The following LYPD6B variants were observed in gnomAD, a reference collection of about 807,000 sequenced individuals.
LYPD6B encodes the protein LY6/PLAUR domain containing 6B, also known as ly6/PLAUR domain-containing protein 6B.
Under a neutral mutation model 22.8 loss-of-function variants are expected in LYPD6B, and 17 were observed. The observed-to-expected ratio is 0.75, with a 90% CI of 0.51 to 1.12. The LOEUF (loss-of-function observed/expected upper bound fraction) is 1.12. LYPD6B is among the 50% of genes most tolerant of loss of function. LYPD6B has a pLI of 0.00. For synonymous variants in LYPD6B, 106 were observed against 91.6 expected (o/e 1.16, Z -0.90); for missense variants, 221 against 258.3 (o/e 0.86, Z 0.99).
In LYPD6B at chr2:149,103,527, T is replaced by C. The variant is rs530651290; in HGVS notation, c.-66-27356T>C. On this transcript the variant is annotated intron_variant, in intron 1 of 6. Transcript: ENST00000409642. Reference sequence around the variant, plus strand: ...CAATAAACTGTACATATTTAAAGTGTACAGTTTGCTAAGTTTGGACATATG... The same window carrying C: ...CAATAAACTGTACATATTTAAAGTGCACAGTTTGCTAAGTTTGGACATATG... Among the ~76,000 whole-genome samples the C allele has an allele frequency of 4.6e-5, 7 of 152,252 alleles. No homozygotes were observed. The East Asian group carries it at 1.4e-3, about 29-fold the overall frequency.
intron 3 of LYPD6B, among the ~76,000 whole-genome samples, chr2:149,188,094 T>C (rs1468852233): frequency 6.6e-6 from 1 of 152,248 alleles, no homozygotes; most frequent in Admixed American, 6.5e-5. Context: ...TGTAAAATTG[T>C]CTTTTCCTGG....
At chr2:149,119,204 A>G (rs1321642307) in intron 1 of LYPD6B, 1 of 152,254 alleles carries the variant, frequency 6.6e-6, no homozygotes, top group Non-Finnish European at 1.5e-5. Flanking sequence ...GAAAATTATT[A>G]TCACTTGGCT....
At chr2:149,096,167 G>C (rs1685895612) in intron 1 of LYPD6B, among the ~76,000 whole-genome samples, 1 of 151,884 alleles carries the variant, frequency 6.6e-6, no homozygotes, top group Non-Finnish European at 1.5e-5. Context: ...GACAAAGATA[G>C]ATAAAGAGAT....
At chr2:149,146,186 G>A (rs966281219) in intron 2 of LYPD6B, among the ~76,000 whole-genome samples, 14 of 152,218 alleles carry the variant, frequency 9.2e-5, no homozygotes, top group Non-Finnish European at 1.8e-4. Context: ...ATACAAGCAC[G>A]TGCAAAATTG....
At chr2:149,059,395 T>C (rs1242968966) in intron 1 of LYPD6B, among the ~76,000 whole-genome samples, 1 of 152,248 alleles carries the variant, frequency 6.6e-6, no homozygotes, top group Non-Finnish European at 1.5e-5. Flanking sequence ...CAAGCCAATA[T>C]AGTGCCTTTT....
At chr2:149,179,381 T>C (rs1446754283) in intron 3 of LYPD6B, among the ~76,000 whole-genome samples, 1 of 152,262 alleles carries the variant, frequency 6.6e-6, no homozygotes, top group Non-Finnish European at 1.5e-5. Flanking sequence ...TGATAAAATC[T>C]GTAGCCTTTA....
At chr2:149,173,601 C>A (rs1691022971) in intron 3 of LYPD6B, among the ~76,000 whole-genome samples, 1 of 152,096 alleles carries the variant, frequency 6.6e-6, no homozygotes, top group Non-Finnish European at 1.5e-5. Context: ...GCTATCATTT[C>A]CCTAAGGATA....
intron 1 of LYPD6B, among the ~76,000 whole-genome samples, chr2:149,124,316 A>G (rs1406638291): frequency 6.6e-6 from 1 of 152,214 alleles, no homozygotes; most frequent in African/African-American, 2.4e-5. Context: ...TCCACTGGGC[A>G]GAGAACATTA....
chr2:149,159,852 C>T (rs1689939821), intron 2 of LYPD6B, among the ~76,000 whole-genome samples: 1 of 152,114 alleles, frequency 6.6e-6, no homozygotes, highest in South Asian at 2.1e-4. Context: ...ATAAGGCTCA[C>T]TCACATTATG....
At chr2:149,183,861 G>GTA (rs1299197251) in intron 3 of LYPD6B, among the ~76,000 whole-genome samples, 19 of 141,024 alleles carry the variant, frequency 1.3e-4, no homozygotes, top group East Asian at 1.2e-3. Context: ...GTGTGTGTGT[G>GTA]TGTATATATA....
chr2:149,148,235 A>G (rs1473818747), intron 2 of LYPD6B, among the ~76,000 whole-genome samples: 1 of 152,216 alleles, frequency 6.6e-6, no homozygotes, highest in Non-Finnish European at 1.5e-5. Context: ...ACCCTTGCTT[A>G]GTAATTCTAA....
chr2:149,065,552 C>A (rs1202547087), intron 1 of LYPD6B, among the ~76,000 whole-genome samples: 3 of 152,192 alleles, frequency 2.0e-5, no homozygotes, highest in Non-Finnish European at 4.4e-5. Flanking sequence ...AGAACCCGAG[C>A]TAGACTCCAG....
At chr2:149,188,400 A>T (rs990970436) in intron 3 of LYPD6B, among the ~76,000 whole-genome samples, 2 of 152,042 alleles carry the variant, frequency 1.3e-5, no homozygotes, top group African/African-American at 2.4e-5. Flanking sequence ...TCTGAATGTG[A>T]TGTCTTCCTC....
intron 1 of LYPD6B, among the ~76,000 whole-genome samples, chr2:149,094,800 G>T (rs972937239): frequency 2.6e-5 from 4 of 152,074 alleles, no homozygotes; most frequent in African/African-American, 4.8e-5. Flanking sequence ...TGGCTGCTTT[G>T]TATGCTTGGC....
At chr2:149,155,258 C>T (rs1689624109) in intron 2 of LYPD6B, among the ~76,000 whole-genome samples, 1 of 152,204 alleles carries the variant, frequency 6.6e-6, no homozygotes, top group Non-Finnish European at 1.5e-5. Context: ...AGCACAATCA[C>T]CCTCTGGTTA....
chr2:149,092,122 G>A (rs796267864), intron 1 of LYPD6B, among the ~76,000 whole-genome samples: 2 of 152,172 alleles, frequency 1.3e-5, no homozygotes, highest in African/African-American at 4.8e-5. Flanking sequence ...GTCTTAATAT[G>A]TGTCAGGGCG....
intron 1 of LYPD6B, among the ~76,000 whole-genome samples, chr2:149,083,535 G>A (rs1463748712): frequency 6.6e-6 from 1 of 152,134 alleles, no homozygotes; most frequent in African/African-American, 2.4e-5. Context: ...GTCTAGCCTA[G>A]CTGTTTTAAA....
intron 1 of LYPD6B, among the ~76,000 whole-genome samples, chr2:149,104,538 T>C (rs1275196475): frequency 2.0e-5 from 3 of 152,232 alleles, no homozygotes; most frequent in Non-Finnish European, 4.4e-5. Context: ...TTTCCTTTGG[T>C]GAGGTGTCTG....
At chr2:149,168,133 G>A (rs149097020) in intron 3 of LYPD6B, among the ~76,000 whole-genome samples, 8 of 151,020 alleles carry the variant, frequency 5.3e-5, no homozygotes, top group Non-Finnish European at 1.0e-4. Flanking sequence ...TTGCTAGAAC[G>A]GGGGAGGCGG....
Sources: gnomAD v4.1 joint callset for allele counts (sites outside exome capture counted in the v4.1 genomes callset) on GRCh38, gnomAD v4.1.1 for gene constraint, MANE v1.5 for transcripts, NCBI Gene and HGNC (gene_info 2026-07-23, HGNC 2026-07-21) for gene names.